JAKMIP3: variants seen among roughly 807,000 people sequenced by gnomAD.
JAKMIP3 encodes the protein janus kinase and microtubule-interacting protein 3.
Under a neutral mutation model 118.5 loss-of-function variants are expected in JAKMIP3, and 58 were observed. That is an observed-to-expected ratio of 0.49 (90% CI 0.40 to 0.61). The LOEUF is 0.61. JAKMIP3 is among the 20% of genes least tolerant of loss of function. The probability of loss-of-function intolerance (pLI) is 0.00; values close to 1 mark genes in which losing one functional copy is unlikely to be tolerated. For missense variants in JAKMIP3, 950 were observed against 1,109.0 expected, an observed-to-expected ratio of 0.86 and a Z score of 2.04; for synonymous variants, 486 against 451.2, an observed-to-expected ratio of 1.08 and a Z score of -0.98.
At chr10:132,149,085 C>T (rs2055285162) in intron 14 of JAKMIP3, among the ~76,000 whole-genome samples, 1 of 152,148 alleles carries the variant, frequency 6.6e-6, no homozygotes, top group Non-Finnish European at 1.5e-5. Context: ...TGCAGCCCCT[C>T]CCCTGATCCT....
intron 13 of JAKMIP3, among the ~76,000 whole-genome samples, chr10:132,146,387 G>A (rs1302494219): frequency 6.6e-6 from 1 of 152,180 alleles, no homozygotes; most frequent in East Asian, 1.9e-4. Flanking sequence ...GGTCTGGGCA[G>A]TCCAGGGCCA....
chr10:132,060,536 C>T (rs1245031301), upstream of JAKMIP3, among the ~76,000 whole-genome samples: 3 of 152,116 alleles, frequency 2.0e-5, no homozygotes, highest in Admixed American at 1.3e-4. Flanking sequence ...GACCCTGGTG[C>T]GTGTTCCTGC....
intron 13 of JAKMIP3, among the ~76,000 whole-genome samples, chr10:132,147,656 C>T (rs2054903296): frequency 6.6e-6 from 1 of 152,242 alleles, no homozygotes; most frequent in South Asian, 2.1e-4. Flanking sequence ...GACGGCCTCC[C>T]TTCCACATCC....
chr10:132,147,404 G>C (rs1380120458), intron 13 of JAKMIP3, among the ~76,000 whole-genome samples: 1 of 152,158 alleles, frequency 6.6e-6, no homozygotes, highest in Non-Finnish European at 1.5e-5. Flanking sequence ...TCCTGCATCC[G>C]GTTTACTCGT....
intron 20 of JAKMIP3, 31 bp downstream of exon 20, chr10:132,163,443 G>T: frequency 6.4e-7 from 1 of 1,561,480 alleles, no homozygotes; most frequent in East Asian, 2.3e-5. Flanking sequence ...GGGCTGGCGT[G>T]AAGACCTGGC....
chr10:132,126,567 G>A (rs1231163425), intron 3 of JAKMIP3, among the ~76,000 whole-genome samples: 1 of 100,346 alleles, frequency 1.0e-5, no homozygotes, highest in African/African-American at 3.8e-5. Flanking sequence ...GTGATTACAG[G>A]TGTGAGCCAT....
chr10:132,105,009 C>T, intron 2 of JAKMIP3, 66 bp downstream of exon 2: 1 of 1,523,692 alleles, frequency 6.6e-7, no homozygotes, highest in Non-Finnish European at 8.9e-7. Context: ...GGCCCAGAGG[C>T]TCTTCCTGGA....
At chr10:132,052,840 T>G (rs1203806195) in intron 1 of JAKMIP3, among the ~76,000 whole-genome samples, 2 of 152,122 alleles carry the variant, frequency 1.3e-5, no homozygotes, top group Non-Finnish European at 2.9e-5. Context: ...TGGTGGGGAG[T>G]AAGGGTATGT....
At chr10:132,128,699 A>C (rs1029986830) in intron 3 of JAKMIP3, among the ~76,000 whole-genome samples, 1 of 150,334 alleles carries the variant, frequency 6.7e-6, no homozygotes, top group Non-Finnish European at 1.5e-5. Flanking sequence ...ATGAATTTCT[A>C]ATTTTAGACC....
chr10:132,067,006 G>A (rs2038893455), intron 1 of JAKMIP3, among the ~76,000 whole-genome samples: 1 of 152,170 alleles, frequency 6.6e-6, no homozygotes, highest in African/African-American at 2.4e-5. Context: ...GCCAAGCCTG[G>A]AGTAGTAGAC....
intron 1 of JAKMIP3, among the ~76,000 whole-genome samples, chr10:132,052,775 G>T (rs1405118264): frequency 6.6e-6 from 1 of 152,124 alleles, no homozygotes; most frequent in African/African-American, 2.4e-5. Context: ...TCTACTCCAT[G>T]AAGTTATTTT....
intron 1 of JAKMIP3, among the ~76,000 whole-genome samples, chr10:132,086,028 C>T (rs1357072706): frequency 6.6e-6 from 1 of 152,040 alleles, no homozygotes; most frequent in Non-Finnish European, 1.5e-5. Context: ...CCTCTTAGCA[C>T]TGCCTTTGCT....
chr10:132,101,270 G>GA (rs2044859619), intron 1 of JAKMIP3, among the ~76,000 whole-genome samples: 1 of 152,170 alleles, frequency 6.6e-6, no homozygotes. Flanking sequence ...AGGATTGCTT[G>GA]AGCCCAGGAA....
rs2037913678 is a variant in JAKMIP3 at position 132,046,285 on chromosome 10, C to T, written c.-138+9547C>T. Among the ~76,000 whole-genome samples, 8 of 152,162 alleles carry T rather than the reference C, an allele frequency of 5.3e-5. No individual in the cohort carries two copies. In the South Asian group the frequency reaches 1.2e-3, roughly 24 times the overall value. ...CTGGCTAACACAGTGAAACCCCCGT[C>T]TCTACTAAAAATAGAAAAAAAATAG... On this transcript the variant is annotated intron_variant, in intron 1 of 23. Coordinates refer to the JAKMIP3 transcript ENST00000657785.
In JAKMIP3 at chr10:132,167,013, G is replaced by A. The variant is rs2136683826; in HGVS notation, c.2521G>A (p.Ala841Thr). 6.5e-7 allele frequency: 1 copy of A among 1,549,472 alleles called. No homozygotes were observed. Among genetic ancestry groups the A allele is most frequent in the African/African-American group, 1.4e-5 (1 of 72,868 alleles). ...FLFLFLFFSL[A>T]FILWS ...ATTTTTGTTCTTATTTTTCTCCTTA[G>A]CTTTCATTCTCTGGTCATAGTCCGT... is the stretch of plus-strand genomic sequence containing the variant. The change falls in exon 22 of 24, where the codon GCT (alanine) becomes ACT (threonine). Residue 841 changes from alanine (A) to threonine (T), a missense_variant. By Grantham distance (58) the Ala-to-Thr change is moderately conservative. Coordinates refer to ENST00000684848, the MANE Select transcript of JAKMIP3 (RefSeq NM_001323087.2).
chr10:132,064,469 T>C (rs528501580), upstream of JAKMIP3, among the ~76,000 whole-genome samples: 292 of 152,108 alleles, frequency 1.9e-3, no homozygotes, highest in Admixed American at 3.6e-3. This position sits in a 1 kb window ranked among gnomAD's most constrained non-coding sequence, Gnocchi z 4.4. Flanking sequence ...CCTCTTTGCT[T>C]CAGGGCAACA....
chr10:132,125,924 G>C (rs2049453217), intron 3 of JAKMIP3, among the ~76,000 whole-genome samples: 1 of 152,154 alleles, frequency 6.6e-6, no homozygotes, highest in African/African-American at 2.4e-5. Context: ...TGTGAACAAA[G>C]ACAGTTTTGG....
rs1564895956 is a variant in JAKMIP3 at position 132,100,312 on chromosome 10, A to T, written c.-137-4360A>T. Among the ~76,000 whole-genome samples, 6 of 152,278 alleles carry T rather than the reference A, an allele frequency of 3.9e-5. No individual in the cohort carries two copies. In the South Asian group the frequency reaches 6.2e-4, roughly 16 times the overall value. On this transcript the variant is annotated intron_variant, in intron 1 of 23. Coordinates refer to ENST00000684848, the MANE Select transcript of JAKMIP3 (RefSeq NM_001323087.2). ...TGCCACGTGGGGCCGAGCCCTTGGC[A>T]TGAGCCGGCTGGACCTCCCGCATGG...
At chr10:132,136,198 C>A in intron 6 of JAKMIP3, 122 bp downstream of exon 6, 1 of 1,017,558 alleles carries the variant, frequency 9.8e-7, no homozygotes, top group Non-Finnish European at 1.4e-6. Flanking sequence ...AGGCCTTCTG[C>A]TGGAGTCTGG....
Sources: gnomAD v4.1 joint callset for allele counts (sites outside exome capture counted in the v4.1 genomes callset) on GRCh38, gnomAD v4.1.1 for gene constraint, Gnocchi (gnomAD v3.1) non-coding constraint, MANE v1.5 for transcripts, NCBI Gene and HGNC (gene_info 2026-07-23, HGNC 2026-07-21) for gene names.